Variants in PCDHA2 observed in about 807,000 individuals in gnomAD.
PCDHA2 encodes protocadherin alpha 2, also known as protocadherin alpha-2.
A neutral mutation model predicts 66.0 loss-of-function variants in PCDHA2; 58 were observed. That is an observed-to-expected ratio of 0.88 (90% CI 0.71 to 1.09). PCDHA2 has a LOEUF of 1.09. Among genes scored for constraint, PCDHA2 ranks in the 50% least tolerant of loss-of-function variants. The pLI is 0.00. For missense variants in PCDHA2, 1,267 were observed against 1,242.3 expected, an observed-to-expected ratio of 1.02 and a Z score of -0.30; for synonymous variants, 634 against 554.0, an observed-to-expected ratio of 1.14 and a Z score of -2.03.
At chr5:140,834,279 T>C in intron 1 of PCDHA2, 4 of 1,100,284 alleles carry the variant, frequency 3.6e-6, no homozygotes, top group Non-Finnish European at 5.3e-6. Context: ...ACTCTTTGGA[T>C]GCACAACAAT....
chr5:140,891,281 G>A (rs1554184772), intron 1 of PCDHA2, among the ~76,000 whole-genome samples: 2 of 151,886 alleles, frequency 1.3e-5, no homozygotes, highest in African/African-American at 4.8e-5. Context: ...GTAAGTTATT[G>A]GGGGTACAGG....
At chr5:140,921,726 A>C (rs1278671755) in intron 1 of PCDHA2, among the ~76,000 whole-genome samples, 1 of 152,170 alleles carries the variant, frequency 6.6e-6, no homozygotes, top group East Asian at 1.9e-4. Flanking sequence ...AATTACTCCC[A>C]TAAAAATTAT....
At chr5:140,966,314 G>C (rs1255868901) in intron 1 of PCDHA2, 2 of 388,054 alleles carry the variant, frequency 5.2e-6, no homozygotes, top group Middle Eastern at 6.5e-4. Flanking sequence ...GTGTTCCTGC[G>C]GTCCGCTGGG....
At chr5:140,938,427 T>G (rs992312670) in intron 1 of PCDHA2, among the ~76,000 whole-genome samples, 3 of 152,206 alleles carry the variant, frequency 2.0e-5, no homozygotes, top group African/African-American at 7.2e-5. Flanking sequence ...GCAAAAATCC[T>G]TTATCAGATT....
At chr5:140,982,191 T>G (rs1431582069) in intron 2 of PCDHA2, among the ~76,000 whole-genome samples, 1 of 152,266 alleles carries the variant, frequency 6.6e-6, no homozygotes, top group African/African-American at 2.4e-5. Context: ...ATGGGCTTCC[T>G]GTTAGATTTA....
Position 140,852,435 on chromosome 5 carries a change from G to A in PCDHA2, c.2388+55083G>A, listed in dbSNP as rs2150516888. ...TGGGATTATAGGCACATGCCACCGC[G>A]CCCAGCTAATTTTTGTATTTTTAGT... On this transcript the variant is annotated intron_variant, in intron 1 of 3. Coordinates refer to ENST00000526136, the MANE Select transcript of PCDHA2 (RefSeq NM_018905.3). 3.0e-4 allele frequency: 55 copies of A among 181,308 alleles called. 4 individuals carry two copies. Among genetic ancestry groups the A allele is most frequent in the African/African-American group, 1.1e-3 (44 of 41,148 alleles). 11.2% of individuals were successfully genotyped at this position (181,308 alleles called of 1,614,324 possible).
intron 1 of PCDHA2, among the ~76,000 whole-genome samples, chr5:140,874,443 C>G (rs1554167205): frequency 6.6e-6 from 1 of 152,208 alleles, no homozygotes; most frequent in Non-Finnish European, 1.5e-5. Context: ...GTCCTAACTA[C>G]TAAATGACCT....
At chr5:140,845,504 C>T (rs1210471805) in intron 1 of PCDHA2, among the ~76,000 whole-genome samples, 1 of 149,510 alleles carries the variant, frequency 6.7e-6, no homozygotes, top group Non-Finnish European at 1.5e-5. Flanking sequence ...AAGTCTAAAC[C>T]TATTTCTTGT....
chr5:140,967,262 C>G (rs1554229356), intron 1 of PCDHA2: 1 of 1,613,522 alleles, frequency 6.2e-7, no homozygotes, highest in African/African-American at 1.3e-5. Flanking sequence ...GCCTGGAGCG[C>G]GCTTTCACAT....
At chr5:140,881,944 A>C in intron 1 of PCDHA2, 1 of 302,118 alleles carries the variant, frequency 3.3e-6, no homozygotes, top group East Asian at 5.9e-5. Flanking sequence ...GTTTCTGGGA[A>C]GGTAAACATT....
At position 140,808,984 on chromosome 5, in the gene PCDHA2, T is replaced by C. The variant is rs17844281; in HGVS notation, c.2388+11632T>C. 2.5e-4 allele frequency: 399 copies of C among 1,613,658 alleles called. No individual in the cohort carries two copies. In the East Asian group the frequency reaches 8.1e-3, roughly 33 times the overall value. On this transcript the variant is annotated intron_variant, in intron 1 of 3. Transcript: ENST00000526136. ...TGGCAAAGGTGCGCGCGGTGGATGC[T>C]GACTCGGGCTACAACGCGTGGCTTT...
At chr5:140,961,113 C>T (rs2095591220) in intron 1 of PCDHA2, among the ~76,000 whole-genome samples, 1 of 152,190 alleles carries the variant, frequency 6.6e-6, no homozygotes, top group Non-Finnish European at 1.5e-5. Context: ...AACCCCCTTG[C>T]ATCTTAATGT....
At chr5:140,849,664 C>A (rs2150444192) in intron 1 of PCDHA2, 1 of 1,598,668 alleles carries the variant, frequency 6.3e-7, no homozygotes, top group African/African-American at 1.3e-5. Context: ...TGCTCCCTGA[C>A]GCCCCACGTC....
rs2150125667 is a variant in PCDHA2 at position 140,823,416 on chromosome 5, C to A, written c.2388+26064C>A. 4 of 1,613,276 alleles carry A rather than the reference C, an allele frequency of 2.5e-6. No individual in the cohort carries two copies. The highest frequency in any genetic ancestry group is 3.4e-6 in the Non-Finnish European group (4 of 1,179,816). On this transcript the variant is annotated intron_variant, in intron 1 of 3. Transcript: ENST00000526136. ...CGGGCGTGCCGCCTCTGGGCAGCAA[C>A]GTGACGCTGCAGGTGTTCGTGCTGG...
At chr5:140,874,516 G>A (rs1307179066) in intron 1 of PCDHA2, among the ~76,000 whole-genome samples, 4 of 152,210 alleles carry the variant, frequency 2.6e-5, no homozygotes, top group Non-Finnish European at 5.9e-5. Context: ...CTTGACTTTA[G>A]TCAATGAGAT....
intron 1 of PCDHA2, chr5:140,841,143 T>C (rs1298799618): frequency 4.1e-6 from 3 of 736,926 alleles, no homozygotes; most frequent in Non-Finnish European, 4.3e-6. Flanking sequence ...AGCCACATGA[T>C]GTCGCTGTCT....
At chr5:140,800,451 A>G (rs1396175193) in intron 1 of PCDHA2, among the ~76,000 whole-genome samples, 1 of 152,188 alleles carries the variant, frequency 6.6e-6, no homozygotes, top group African/African-American at 2.4e-5. Context: ...ACATAAAAGT[A>G]GATATATGTA....
chr5:140,843,040 T>C lies in PCDHA2; in HGVS notation c.2388+45688T>C, dbSNP rs2150350832. 22 of 1,595,034 alleles carry C rather than the reference T, an allele frequency of 1.4e-5. 3 individuals are homozygous for C. The highest frequency in any genetic ancestry group is 1.2e-4 in the Admixed American group (7 of 59,274). On this transcript the variant is annotated intron_variant, in intron 1 of 3. Coordinates refer to ENST00000526136, the MANE Select transcript of PCDHA2 (RefSeq NM_018905.3). ...TGCTGGAGCCTCGGGTGGGTGGCACTGGTGGCGCAGCGAGCAAGCTGGTGC... is the reference window on the plus strand; with the variant it reads ...TGCTGGAGCCTCGGGTGGGTGGCACCGGTGGCGCAGCGAGCAAGCTGGTGC...
chr5:140,872,999 T>C (rs534267052), intron 1 of PCDHA2, among the ~76,000 whole-genome samples: 3 of 152,296 alleles, frequency 2.0e-5, no homozygotes, highest in African/African-American at 7.2e-5. Context: ...TACTTCTGAG[T>C]CATTCTTCAT....
Sources: allele counts gnomAD v4.1 joint callset (sites outside exome capture counted in the v4.1 genomes callset), GRCh38; gene constraint gnomAD v4.1.1; transcripts MANE v1.5; gene names NCBI Gene and HGNC (gene_info 2026-07-23, HGNC 2026-07-21).